RNF13: variants seen among roughly 807,000 people sequenced by gnomAD.
The protein encoded by RNF13 is ring finger protein 13, also known as E3 ubiquitin-protein ligase RNF13.
A neutral mutation model predicts 37.7 loss-of-function variants in RNF13; 19 were observed. The observed-to-expected ratio is 0.50, with a 90% CI of 0.35 to 0.74. The LOEUF is 0.74. Ranked by LOEUF, RNF13 falls within the 30% of genes least tolerant of loss-of-function variation. The pLI, the probability that RNF13 is intolerant of heterozygous loss-of-function variation, is 0.01. For missense variants in RNF13, 375 were observed against 453.0 expected (o/e 0.83, Z 1.56); for synonymous variants, 144 against 157.8 (o/e 0.91, Z 0.65).
rs117241577 is a variant in RNF13 at position 149,943,715 on chromosome 3, C to A, written c.701-16341C>A. ...TCCCCCATCCCCTAGCAACCACTGACCTTACTGTTTCCACAGTCACTTTTT... is the reference window on the plus strand; with the variant it reads ...TCCCCCATCCCCTAGCAACCACTGAACTTACTGTTTCCACAGTCACTTTTT... On this transcript the variant is annotated intron_variant, in intron 8 of 9. Coordinates refer to ENST00000392894, the MANE Select transcript of RNF13 (RefSeq NM_183381.3). Among the ~76,000 whole-genome samples the A allele has an allele frequency of 8.5e-4, 129 of 152,218 alleles. 2 individuals carry two copies. The East Asian group carries it at 0.014, about 16-fold the overall frequency.
At chr3:149,912,165 C>CAAAAA (rs1162652528) in intron 7 of RNF13, 82 bp downstream of exon 7, 2 of 694,078 alleles carry the variant, frequency 2.9e-6, no homozygotes, top group Admixed American at 4.6e-5. Flanking sequence ...AGAATTTAAA[C>CAAAAA]AATGTGTACA....
chr3:149,932,022 T>C (rs1719206557), intron 8 of RNF13, among the ~76,000 whole-genome samples: 1 of 152,186 alleles, frequency 6.6e-6, no homozygotes, highest in African/African-American at 2.4e-5. Context: ...CAGGGTTTTT[T>C]TTTATGGCTG....
chr3:149,938,466 C>T (rs1442630057), intron 8 of RNF13, among the ~76,000 whole-genome samples: 2 of 151,394 alleles, frequency 1.3e-5, no homozygotes, highest in African/African-American at 2.4e-5. Flanking sequence ...AGCCACCGTG[C>T]CTGGCCATAT....
chr3:149,891,548 T>C (rs1009240202), intron 4 of RNF13, among the ~76,000 whole-genome samples: 2 of 152,230 alleles, frequency 1.3e-5, no homozygotes, highest in African/African-American at 4.8e-5. Context: ...CTTGGTTAGG[T>C]GCCACCTGGT....
chr3:149,881,512 G>T (rs987941983), intron 4 of RNF13, among the ~76,000 whole-genome samples: 1 of 152,024 alleles, frequency 6.6e-6, no homozygotes, highest in African/African-American at 2.4e-5. Context: ...CATATTTTTA[G>T]TAGAGATGGG....
chr3:149,879,054 A>AG (rs1713073484), intron 4 of RNF13, among the ~76,000 whole-genome samples: 1 of 152,186 alleles, frequency 6.6e-6, no homozygotes, highest in Admixed American at 6.5e-5. Context: ...ATTTATAACT[A>AG]GAAGTTTGAA....
chr3:149,860,267 A>AT (rs1724085758), intron 3 of RNF13, among the ~76,000 whole-genome samples: 3 of 97,266 alleles, frequency 3.1e-5, no homozygotes, highest in Non-Finnish European at 6.3e-5. Context: ...AAAAAAAAAA[A>AT]AAAATATATA....
intron 8 of RNF13, among the ~76,000 whole-genome samples, chr3:149,922,382 G>C (rs533780420): frequency 6.6e-6 from 1 of 152,276 alleles, no homozygotes; most frequent in African/African-American, 2.4e-5. Context: ...ATAAATAAAT[G>C]AATGAATGAA....
intron 1 of RNF13, among the ~76,000 whole-genome samples, chr3:149,844,864 C>G (rs1277051718): frequency 1.3e-5 from 2 of 152,062 alleles, no homozygotes; most frequent in East Asian, 3.8e-4. Flanking sequence ...GCAACCATCA[C>G]CAGAGTCTAA....
intron 4 of RNF13, among the ~76,000 whole-genome samples, chr3:149,885,387 A>G (rs927990021): frequency 3.8e-4 from 58 of 151,914 alleles, no homozygotes; most frequent in African/African-American, 1.4e-3. Flanking sequence ...ACTCTCCAGC[A>G]TTTCTTGTTG....
At position 149,872,129 on chromosome 3, in the gene RNF13, G is replaced by A. The variant is rs1576799044; in HGVS notation, c.296G>A (p.Arg99Lys). 1.3e-6 allele frequency: 2 copies of A among 1,583,900 alleles called. No homozygotes were observed. Among genetic ancestry groups the A allele is most frequent in the Non-Finnish European group, 1.7e-6 (2 of 1,162,752 alleles). Residue 99 changes from arginine to lysine, a missense_variant, in exon 4 of 10, where the codon AGA becomes AAA. Coordinates refer to ENST00000392894, the MANE Select transcript of RNF13 (RefSeq NM_183381.3). ...GGCACTTTCATCGTGTTAATTAGAA[G>A]ACTTGATTGTAATTTTGATATAAAG... Reference protein sequence around the residue: ...SSGTFIVLIRRLDCNFDIKVL... With the variant: ...SSGTFIVLIRKLDCNFDIKVL...
chr3:149,835,806 C>A (rs905896482), intron 1 of RNF13, among the ~76,000 whole-genome samples: 3 of 151,474 alleles, frequency 2.0e-5, no homozygotes, highest in African/African-American at 7.3e-5. Context: ...TTTTTTATGA[C>A]TTTTCTCCTG....
chr3:149,908,424 T>A (rs1716651609), intron 6 of RNF13, among the ~76,000 whole-genome samples: 1 of 152,206 alleles, frequency 6.6e-6, no homozygotes, highest in Admixed American at 6.5e-5. Context: ...TTTTCACATT[T>A]AATCCCTAGC....
intron 3 of RNF13, among the ~76,000 whole-genome samples, chr3:149,856,531 A>G (rs577489858): frequency 5.2e-4 from 79 of 151,258 alleles, no homozygotes; most frequent in Non-Finnish European, 9.3e-4. Context: ...GAAACCACCA[A>G]CTGCTGGGTT....
At chr3:149,956,381 G>A (rs976925798) in intron 8 of RNF13, among the ~76,000 whole-genome samples, 2 of 152,210 alleles carry the variant, frequency 1.3e-5, no homozygotes, top group Non-Finnish European at 2.9e-5. Flanking sequence ...ATGGTATGAA[G>A]GCTCTAAGCA....
At chr3:149,826,770 G>A (rs1005112108) in intron 1 of RNF13, among the ~76,000 whole-genome samples, 16 of 152,190 alleles carry the variant, frequency 1.1e-4, no homozygotes, top group African/African-American at 3.4e-4. Flanking sequence ...TTTATGTTTC[G>A]TTTTGAGATA....
chr3:149,926,827 T>G (rs978346408), intron 8 of RNF13, among the ~76,000 whole-genome samples: 4 of 152,176 alleles, frequency 2.6e-5, no homozygotes, highest in African/African-American at 7.2e-5. Context: ...TCACACTGTT[T>G]CAATTACAGT....
chr3:149,888,168 T>C (rs1714262435), intron 4 of RNF13, among the ~76,000 whole-genome samples: 1 of 152,234 alleles, frequency 6.6e-6, no homozygotes, highest in African/African-American at 2.4e-5. Flanking sequence ...TTAGTTTACT[T>C]GTTTTAGTAA....
At chr3:149,889,623 TA>T (rs1226570498) in intron 4 of RNF13, among the ~76,000 whole-genome samples, 1 of 150,640 alleles carries the variant, frequency 6.6e-6, no homozygotes, top group Non-Finnish European at 1.5e-5. Context: ...ATTGAATGAA[TA>T]AATAGATTAA....
Sources: allele counts gnomAD v4.1 joint callset (sites outside exome capture counted in the v4.1 genomes callset), GRCh38; gene constraint gnomAD v4.1.1; transcripts MANE v1.5; gene names NCBI Gene and HGNC (gene_info 2026-07-23, HGNC 2026-07-21).